Variants in ANO3 observed in about 807,000 individuals in gnomAD.
ANO3 encodes the protein anoctamin 3, also known as anoctamin-3.
A neutral mutation model predicts 144.8 loss-of-function variants in ANO3; 99 were observed. That is an observed-to-expected ratio of 0.68 (90% CI 0.58 to 0.81). The LOEUF (loss-of-function observed/expected upper bound fraction) is 0.81, where lower values mean the gene tolerates loss of function less well. Ranked by LOEUF, ANO3 falls within the 30% of genes least tolerant of loss-of-function variation. ANO3 has a pLI of 0.00. For missense variants in ANO3, 905 were observed against 1,202.2 expected (o/e 0.75, Z 3.66); for synonymous variants, 414 against 392.6 (o/e 1.05, Z -0.64).
chr11:26,456,048 C>T (rs1224107813), intron 3 of ANO3, among the ~76,000 whole-genome samples: 3 of 151,460 alleles, frequency 2.0e-5, no homozygotes, highest in Non-Finnish European at 4.4e-5. Flanking sequence ...TGGATCCCTT[C>T]CTTACACCTT....
chr11:26,357,382 A>G (rs1243447185), intron 1 of ANO3, among the ~76,000 whole-genome samples: 2 of 152,176 alleles, frequency 1.3e-5, no homozygotes, highest in African/African-American at 2.4e-5. Flanking sequence ...CTCACTCACT[A>G]CATACAAATG....
chr11:26,371,578 C>T (rs972536934), intron 1 of ANO3, among the ~76,000 whole-genome samples: 14 of 152,212 alleles, frequency 9.2e-5, no homozygotes, highest in South Asian at 2.1e-4. Flanking sequence ...AGGCACTCAA[C>T]GCCAGCCCAT....
upstream of ANO3, chr11:26,332,110 C>T (rs1590266916): frequency 6.8e-7 from 1 of 1,479,676 alleles, no homozygotes; most frequent in East Asian, 2.5e-5. Context: ...ATGACAACGA[C>T]ACCGGCGGGC....
chr11:26,343,918 A>C (rs1477350021), intron 1 of ANO3, among the ~76,000 whole-genome samples: 1 of 152,242 alleles, frequency 6.6e-6, no homozygotes, highest in African/African-American at 2.4e-5. Context: ...ATCTTAAATC[A>C]TCTTAACACA....
chr11:26,340,255 C>T (rs538716230), intron 1 of ANO3, among the ~76,000 whole-genome samples: 2 of 152,124 alleles, frequency 1.3e-5, no homozygotes, highest in Non-Finnish European at 2.9e-5. Context: ...ACTTTTGCAC[C>T]AACCTAATAT....
At chr11:26,530,576 T>C (rs1849344947) in intron 7 of ANO3, among the ~76,000 whole-genome samples, 2 of 151,684 alleles carry the variant, frequency 1.3e-5, no homozygotes, top group South Asian at 4.2e-4. Context: ...AAACTCTCTT[T>C]CTGGCCGGGC....
At chr11:26,416,656 A>C (rs1355602630) in intron 1 of ANO3, among the ~76,000 whole-genome samples, 1 of 151,932 alleles carries the variant, frequency 6.6e-6, no homozygotes, top group Non-Finnish European at 1.5e-5. Flanking sequence ...CGATCTCCTG[A>C]CCTGGTGATC....
At chr11:26,572,832 A>G (rs990381700) in intron 14 of ANO3, among the ~76,000 whole-genome samples, 3 of 152,134 alleles carry the variant, frequency 2.0e-5, no homozygotes, top group African/African-American at 7.2e-5. Context: ...CTGGGGCCTG[A>G]GAATGGCCAT....
At chr11:26,564,817 T>A (rs117208656) in intron 14 of ANO3, among the ~76,000 whole-genome samples, 187 of 134,060 alleles carry the variant, frequency 1.4e-3, no homozygotes, top group Middle Eastern at 4.0e-3. Flanking sequence ...CATGAGCATG[T>A]GAAATTTCAG....
intron 1 of ANO3, among the ~76,000 whole-genome samples, chr11:26,214,702 A>G (rs1348798537): frequency 6.6e-6 from 1 of 152,002 alleles, no homozygotes; most frequent in African/African-American, 2.4e-5. Flanking sequence ...ATATTAACAT[A>G]TTGCATTAGT....
intron 17 of ANO3, among the ~76,000 whole-genome samples, chr11:26,619,403 T>A (rs868185877): frequency 1.3e-5 from 2 of 152,142 alleles, no homozygotes; most frequent in Non-Finnish European, 2.9e-5. Flanking sequence ...TAAAATAGTA[T>A]TTCCTATTTT....
chr11:26,494,318 T>C (rs1401351722), intron 4 of ANO3, among the ~76,000 whole-genome samples: 4 of 152,158 alleles, frequency 2.6e-5, no homozygotes, highest in Non-Finnish European at 4.4e-5. Flanking sequence ...GTCATTCAGC[T>C]AGCACCTAAG....
intron 1 of ANO3, among the ~76,000 whole-genome samples, chr11:26,233,819 T>A (rs11029407): frequency 0.015 from 2,306 of 152,204 alleles, 48 homozygotes; most frequent in East Asian, 0.12. Flanking sequence ...GGAAGCCATC[T>A]TTCTCAGCAA....
At position 26,542,021 on chromosome 11, in the gene ANO3, G is replaced by A. The variant is rs775504019; in HGVS notation, c.1107G>A (p.Trp369Ter). Residue 369 changes from tryptophan (W) to a stop codon, truncating the protein, a stop_gained, in exon 11 of 27, where the codon TGG becomes TGA. Transcript: ENST00000256737. LOFTEE classifies it high-confidence loss of function. ...ACAGACATCTATTATATGAGCGCTGGGCACGCTGGGGAATGTGGTATAAGC... is the reference window on the plus strand; with the variant it reads ...ACAGACATCTATTATATGAGCGCTGAGCACGCTGGGGAATGTGGTATAAGC... ...QNNRHLLYER[W>*]ARWGMWYKHQ... The A allele has an allele frequency of 6.2e-7, 1 of 1,612,756 alleles. No homozygotes were observed. Among genetic ancestry groups the A allele is most frequent in the South Asian group, 1.1e-5 (1 of 90,980 alleles).
At chr11:26,477,501 C>A (rs1441784644) in intron 4 of ANO3, among the ~76,000 whole-genome samples, 2 of 152,154 alleles carry the variant, frequency 1.3e-5, no homozygotes, top group African/African-American at 2.4e-5. Context: ...GTTACTTCAT[C>A]TTTGCTCTCA....
chr11:26,510,585 A>G (rs1439698248), intron 5 of ANO3, among the ~76,000 whole-genome samples: 1 of 152,224 alleles, frequency 6.6e-6, no homozygotes, highest in African/African-American at 2.4e-5. Flanking sequence ...TTTTTCTCAC[A>G]TATCTCAAAC....
At position 26,332,145 on chromosome 11, in the gene ANO3, G is replaced by C; in HGVS notation, c.-131G>C. 2 of 1,554,494 alleles carry C rather than the reference G, an allele frequency of 1.3e-6. No homozygotes were observed. The highest frequency in any genetic ancestry group is 1.7e-6 in the Non-Finnish European group (2 of 1,152,150). ...CGCGTAGCCTGGAGAGCGAAGTGCC[G>C]GCTACAGCAGGTGTCGGATTGCAGT... is the stretch of plus-strand genomic sequence containing the variant. On this transcript the variant is annotated 5_prime_UTR_variant, in exon 1 of 27. Coordinates refer to ENST00000256737, the MANE Select transcript of ANO3 (RefSeq NM_031418.4).
chr11:26,336,558 G>A (rs1031354214), intron 1 of ANO3, among the ~76,000 whole-genome samples: 3 of 152,012 alleles, frequency 2.0e-5, no homozygotes, highest in East Asian at 1.9e-4. Flanking sequence ...GTGCACACCC[G>A]TAAAGCCACT....
At chr11:26,595,469 T>TTTG (rs1554975347) in intron 14 of ANO3, among the ~76,000 whole-genome samples, 2 of 144,622 alleles carry the variant, frequency 1.4e-5, no homozygotes, top group Admixed American at 7.0e-5. Context: ...TGTTTTTTTT[T>TTTG]TTTTTTTTTT....
Sources: gnomAD v4.1 joint callset for allele counts (sites outside exome capture counted in the v4.1 genomes callset) on GRCh38, gnomAD v4.1.1 for gene constraint, MANE v1.5 for transcripts, NCBI Gene and HGNC (gene_info 2026-07-23, HGNC 2026-07-21) for gene names.